The following PHF14 variants were observed in gnomAD, a reference collection of about 807,000 sequenced individuals.
PHF14 encodes the protein PHD finger protein 14.
Under a neutral mutation model 117.9 loss-of-function variants are expected in PHF14, and 55 were observed. The observed-to-expected ratio is 0.47, with a 90% confidence interval of 0.38 to 0.58. PHF14 has a LOEUF of 0.58. PHF14 is among the 20% of genes least tolerant of loss of function. The pLI is 0.00. For synonymous variants in PHF14, 409 were observed against 368.6 expected, an observed-to-expected ratio of 1.11 and a Z score of -1.26; for missense variants, 978 against 1,122.2, an observed-to-expected ratio of 0.87 and a Z score of 1.84.
chr7:11,023,338 A>C, intron 6 of PHF14, among the ~76,000 whole-genome samples: 1 of 152,204 alleles, frequency 6.6e-6, no homozygotes, highest in East Asian at 1.9e-4. Context: ...CAAAATTATG[A>C]AAAAGAATAT....
At chr7:11,077,587 G>A (rs1349353974) in intron 16 of PHF14, among the ~76,000 whole-genome samples, 3 of 126,868 alleles carry the variant, frequency 2.4e-5, no homozygotes, top group South Asian at 2.5e-4. Context: ...GCAACAGAGC[G>A]AGACTCTGTC....
At chr7:11,072,756 T>C (rs114909455) in intron 16 of PHF14, among the ~76,000 whole-genome samples, 1,937 of 152,328 alleles carry the variant, frequency 0.013, 28 homozygotes, top group African/African-American at 0.045. Context: ...CTCATAGTTC[T>C]GCAGGCTGTT....
chr7:11,076,417 AT>A (rs1250783576), intron 16 of PHF14, among the ~76,000 whole-genome samples: 1 of 151,738 alleles, frequency 6.6e-6, no homozygotes, highest in Non-Finnish European at 1.5e-5. Context: ...GTTTAGTTGT[AT>A]TTAATATTAT....
intron 4 of PHF14, among the ~76,000 whole-genome samples, chr7:11,009,555 A>G (rs927956893): frequency 6.6e-6 from 1 of 152,222 alleles, no homozygotes; most frequent in East Asian, 1.9e-4. Context: ...TATGTTTCCC[A>G]TACTCATGTT....
chr7:11,124,282 T>G (rs923470152), intron 17 of PHF14, among the ~76,000 whole-genome samples: 2 of 152,088 alleles, frequency 1.3e-5, no homozygotes, highest in Non-Finnish European at 2.9e-5. Context: ...TAAAAAAAAT[T>G]ACAGTTAGAT....
intron 16 of PHF14, among the ~76,000 whole-genome samples, chr7:11,078,587 G>A (rs559546681): frequency 6.6e-6 from 1 of 152,108 alleles, no homozygotes; most frequent in East Asian, 1.9e-4. Flanking sequence ...AGAAGAGAAA[G>A]AAATTCAGAA....
At position 11,035,634 on chromosome 7, in the gene PHF14, G is replaced by A. The variant is rs1196429949; in HGVS notation, c.1456-6G>A. On this transcript the variant is annotated splice_region_variant and splice_polypyrimidine_tract_variant and intron_variant, in intron 7 of 17. Coordinates refer to ENST00000634607, the MANE Select transcript of PHF14 (RefSeq NM_001007157.2). ...TTCACTATTTTTCTGTGCTTTCTTT[G>A]TATAGGATATAGCAGATCCATTCTT... The A allele has an allele frequency of 1.9e-6, 3 of 1,580,410 alleles. No homozygotes were observed. Among genetic ancestry groups the A allele is most frequent in the Admixed American group, 3.5e-5 (2 of 57,270 alleles).
In PHF14 at chr7:11,103,247, A is replaced by G. The variant is rs539641367; in HGVS notation, c.2655-8103A>G. 124 of 892,730 alleles carry G rather than the reference A, an allele frequency of 1.4e-4. 1 individual carries two copies. The South Asian group carries it at 5.2e-3, about 38-fold the overall frequency. The allele number at this position is 892,730 out of a possible 1,614,324, so 55.3% of individuals were successfully genotyped here. On this transcript the variant is annotated intron_variant, in intron 16 of 17. Coordinates refer to ENST00000634607, the MANE Select transcript of PHF14 (RefSeq NM_001007157.2). Reference sequence around the variant, plus strand: ...ATTTTAAGCTCATGAATAAAGATATATCTGTGTTGATCTCTAGATATTTTT... The same window carrying G: ...ATTTTAAGCTCATGAATAAAGATATGTCTGTGTTGATCTCTAGATATTTTT...
At chr7:11,013,279 G>A (rs1347844240) in intron 4 of PHF14, among the ~76,000 whole-genome samples, 4 of 151,730 alleles carry the variant, frequency 2.6e-5, no homozygotes. Flanking sequence ...CTCCTGCCTC[G>A]GCTTCTCGAG....
chr7:11,005,894 G>A (rs1783067555), intron 4 of PHF14, among the ~76,000 whole-genome samples: 1 of 144,742 alleles, frequency 6.9e-6, no homozygotes, highest in South Asian at 2.2e-4. Flanking sequence ...CTGGGTTCAA[G>A]CGATTCTCCC....
chr7:11,047,891 A>C (rs1278687566), intron 13 of PHF14, among the ~76,000 whole-genome samples: 1 of 118,150 alleles, frequency 8.5e-6, no homozygotes, highest in Admixed American at 9.8e-5. Flanking sequence ...GGGAGGAAAG[A>C]AGGGAGGGAG....
rs1239514344 is a variant in PHF14 at position 11,077,942 on chromosome 7, A to G, written c.2654+15857A>G. Among the ~76,000 whole-genome samples, 4 of 152,212 alleles carry G rather than the reference A, an allele frequency of 2.6e-5. No individual in the cohort carries two copies. The South Asian group carries it at 6.2e-4, about 24-fold the overall frequency. Reference sequence around the variant, plus strand: ...TAAGTTGCTTCTCTCTTCAGCGTGCATGAAACTGAGGCTTAAATTTCAAGA... The same window carrying G: ...TAAGTTGCTTCTCTCTTCAGCGTGCGTGAAACTGAGGCTTAAATTTCAAGA... On this transcript the variant is annotated intron_variant, in intron 16 of 17. Coordinates refer to ENST00000634607, the MANE Select transcript of PHF14 (RefSeq NM_001007157.2).
chr7:11,119,635 T>C (rs916810990), intron 17 of PHF14, among the ~76,000 whole-genome samples: 3 of 151,892 alleles, frequency 2.0e-5, no homozygotes, highest in African/African-American at 4.8e-5. Context: ...GATGTAGATA[T>C]AGTGAGAGTA....
Position 11,019,946 on chromosome 7 carries a change from CTCT to C in PHF14, c.1206-2914_1206-2912del, listed in dbSNP as rs984140368. Among the ~76,000 whole-genome samples the C allele has an allele frequency of 7.2e-4, 109 of 152,240 alleles. 1 individual carries two copies. Among genetic ancestry groups the C allele is most frequent in the African/African-American group, 2.5e-3 (103 of 41,552 alleles). On this transcript the variant is annotated intron_variant, in intron 5 of 17. Transcript: ENST00000634607. ...TGTGTTTCCATTACTATTCGTCATA[CTCT>C]TCTTCTTTATGTCCTTTGTTGGGTG... is the stretch of plus-strand genomic sequence containing the variant.
intron 16 of PHF14, chr7:11,105,124 T>A: frequency 2.1e-6 from 2 of 973,618 alleles, no homozygotes; most frequent in Non-Finnish European, 2.4e-6. Flanking sequence ...AATTCACTCA[T>A]CCTTTTGTTA....
rs772301763 is a variant in PHF14 at position 11,130,107 on chromosome 7, T to G, written c.2772+18640T>G. On this transcript the variant is annotated intron_variant, in intron 17 of 17. Transcript: ENST00000634607. This position sits in a 1 kb window ranked among gnomAD's most constrained non-coding sequence, Gnocchi z 4.2. Reference sequence around the variant, plus strand: ...GAGCAGCTCTGCTCATTATAGTCACTTGGGGACCCGAGCTGATGGAGGTTT... The same window carrying G: ...GAGCAGCTCTGCTCATTATAGTCACGTGGGGACCCGAGCTGATGGAGGTTT... Among the ~76,000 whole-genome samples the G allele has an allele frequency of 6.6e-6, 1 of 152,036 alleles. No homozygotes were observed. Among genetic ancestry groups the G allele is most frequent in the African/African-American group, 2.4e-5 (1 of 41,416 alleles).
chr7:11,045,524 C>G (rs1784635484), intron 13 of PHF14, among the ~76,000 whole-genome samples: 1 of 152,206 alleles, frequency 6.6e-6, no homozygotes, highest in Non-Finnish European at 1.5e-5. Context: ...GTTGCCTTCT[C>G]AGATATCATA....
chr7:10,974,419 C>A (rs1453414902), intron 1 of PHF14, 95 bp downstream of exon 1: 5 of 1,061,270 alleles, frequency 4.7e-6, no homozygotes, highest in Non-Finnish European at 5.7e-6. Flanking sequence ...GAGAGTCCTG[C>A]GGGAAAGCAG....
chr7:11,160,433 A>T (rs12670880), intron 17 of PHF14, among the ~76,000 whole-genome samples: 8,529 of 152,232 alleles, frequency 0.056, 425 homozygotes, highest in East Asian at 0.21. Context: ...AATGGGATTG[A>T]TGGATCTAAT....
Sources: allele counts gnomAD v4.1 joint callset (sites outside exome capture counted in the v4.1 genomes callset), GRCh38; gene constraint gnomAD v4.1.1; non-coding constraint Gnocchi (gnomAD v3.1); transcripts MANE v1.5; gene names NCBI Gene and HGNC (gene_info 2026-07-23, HGNC 2026-07-21).